PLEKHG4: variants seen among roughly 807,000 people sequenced by gnomAD.
PLEKHG4 encodes the protein pleckstrin homology and RhoGEF domain containing G4, also known as puratrophin-1.
In PLEKHG4, 85 loss-of-function variants were observed where a neutral mutation model predicts 136.9. That is an observed-to-expected ratio of 0.62 (90% CI 0.52 to 0.74). PLEKHG4 has a LOEUF of 0.74. Among genes scored for constraint, PLEKHG4 ranks in the 30% least tolerant of loss-of-function variants. PLEKHG4 has a pLI of 0.00. For synonymous variants in PLEKHG4, 577 were observed against 646.9 expected (o/e 0.89, Z 1.64); for missense variants, 1,317 against 1,527.8 (o/e 0.86, Z 2.30).
At chr16:67,288,086 A>G in intron 19 of PLEKHG4, 72 bp downstream of exon 19, 1 of 1,525,478 alleles carries the variant, frequency 6.6e-7, no homozygotes, top group Non-Finnish European at 9.1e-7. Context: ...GCCCTCCATT[A>G]GTGCTGGCCC....
intron 21 of PLEKHG4, 60 bp from the exon 22 acceptor site, chr16:67,288,743 A>C: frequency 5.0e-6 from 8 of 1,610,446 alleles, no homozygotes; most frequent in Non-Finnish European, 6.8e-6. Context: ...GCCATTCCCC[A>C]GACACCTCCT....
In PLEKHG4 at chr16:67,284,162, C is replaced by G; in HGVS notation, c.1510-113C>G. 1.1e-6 allele frequency: 1 copy of G among 871,866 alleles called. No homozygotes were observed. The allele number at this position is 871,866 out of a possible 1,614,324, so 54.0% of individuals were successfully genotyped here. A position where few individuals can be genotyped will look rare whatever the true frequency, so the allele number is the denominator to read the frequency against. On this transcript the variant is annotated intron_variant, in intron 11 of 21. Coordinates refer to ENST00000379344, the MANE Select transcript of PLEKHG4 (RefSeq NM_001129729.3). This position sits in a 1 kb window ranked among gnomAD's most constrained non-coding sequence, Gnocchi z 4.4. The stretch of plus-strand genomic sequence containing the variant: ...GGAGTAGGAGATACGGGTAGATGTT[C>G]CACCACAGGACAGACTTGATGGGGA...
intron 8 of PLEKHG4, 36 bp from the exon 9 acceptor site, chr16:67,282,165 A>G (rs374120044): frequency 3.1e-6 from 5 of 1,613,298 alleles, no homozygotes; most frequent in Middle Eastern, 1.7e-4. Context: ...CTTCTCTCCC[A>G]TGGCCACCTC....
chr16:67,287,826 C>G (rs555469400), intron 18 of PLEKHG4, 72 bp from the exon 19 acceptor site: 1 of 963,264 alleles, frequency 1.0e-6, no homozygotes, highest in Non-Finnish European at 1.7e-6. Flanking sequence ...AAAGACTTAT[C>G]TGGGGGGTGG....
chr16:67,280,261 C>T lies in PLEKHG4; in HGVS notation c.217C>T (p.Pro73Ser). ...CCCCTTGTCCAGGAAATTCCAGTTA[C>T]CCCCAGCTGCAGATGAGTCGGGGGA... is the stretch of plus-strand genomic sequence containing the variant. ...GSPLSRKFQLPPAADESGDAQ... is the reference protein window; with the variant it reads ...GSPLSRKFQLSPAADESGDAQ... Residue 73 changes from proline (P) to serine (S), a missense_variant, in exon 2 of 22, where the codon CCC becomes TCC. Physicochemically the swap from Pro to Ser is moderately conservative, Grantham distance 74 (BLOSUM62 -1). Transcript: ENST00000379344. The surrounding 1 kb of genome is among the most constrained non-coding windows in gnomAD (Gnocchi z 4.4). 6.2e-7 allele frequency: 1 copy of T among 1,613,824 alleles called. No homozygotes were observed. Among genetic ancestry groups the T allele is most frequent in the Non-Finnish European group, 8.5e-7 (1 of 1,179,970 alleles).
At chr16:67,286,720 T>C (rs2036487763) in intron 16 of PLEKHG4, 29 bp from the exon 17 acceptor site, 1 of 1,608,768 alleles carries the variant, frequency 6.2e-7, no homozygotes, top group Non-Finnish European at 8.5e-7. Flanking sequence ...CAGAAGAGGC[T>C]GGCCACCCAC....
At chr16:67,279,006 C>G (rs558413780), upstream of PLEKHG4, 10 of 152,414 alleles carry the variant, frequency 6.6e-5, no homozygotes, top group East Asian at 1.9e-3. Context: ...TGGGATCATG[C>G]GACCTGTCTC....
upstream of PLEKHG4, chr16:67,278,703 G>A (rs2036074161): frequency 6.6e-6 from 1 of 152,178 alleles, no homozygotes; most frequent in Non-Finnish European, 1.5e-5. Context: ...CAGTCCTCAC[G>A]GCAACCCCAG....
upstream of PLEKHG4, chr16:67,279,406 G>A (rs1267614044): frequency 6.6e-6 from 1 of 151,816 alleles, no homozygotes; most frequent in African/African-American, 2.4e-5. Context: ...GCGCCGGCAG[G>A]GCTGTGCCCC....
In PLEKHG4 at chr16:67,286,958, C is replaced by T. The variant is rs141774309; in HGVS notation, c.2925+39C>T. ...CCCCAGGCCCCACCACTTGTTTTCC[C>T]GCCCCATGCCTTACCAAGCCCCTCT... On this transcript the variant is annotated intron_variant, in intron 17 of 21. Transcript: ENST00000379344. 7,719 of 1,612,914 alleles carry T rather than the reference C, an allele frequency of 4.8e-3. 43 individuals are homozygous for T. Among genetic ancestry groups the T allele is most frequent in the South Asian group, 0.014 (1,259 of 91,068 alleles).
chr16:67,283,331 C>T (rs1240199320), intron 11 of PLEKHG4, among the ~76,000 whole-genome samples: 1 of 152,070 alleles, frequency 6.6e-6, no homozygotes, highest in Non-Finnish European at 1.5e-5. Flanking sequence ...GTGGGACAAG[C>T]CTGGTCAGTG....
rs754954657 is a variant in PLEKHG4, at chr16:67,286,828, G to A, written c.2834G>A (p.Arg945His). ...VRTGRHKSVRRIFLFEELLLF... is the reference protein window; with the variant it reads ...VRTGRHKSVRHIFLFEELLLF... The stretch of plus-strand genomic sequence containing the variant: ...ACTGGGCGCCACAAGTCCGTGCGCC[G>A]CATCTTCCTTTTTGAGGAGCTGCTG... The change falls in exon 17 of 22, where the codon CGC becomes CAC. Residue 945 changes from arginine (R) to histidine (H), a missense_variant. Arg to His is a conservative substitution (Grantham distance 29, BLOSUM62 0). Transcript: ENST00000379344. 9 of 1,613,854 alleles carry A rather than the reference G, an allele frequency of 5.6e-6. No homozygotes were observed. Among genetic ancestry groups the A allele is most frequent in the Admixed American group, 1.7e-5 (1 of 60,034 alleles).
Position 67,280,857 on chromosome 16 carries a change from G to C in PLEKHG4, c.596-25G>C, listed in dbSNP as rs1417223518. On this transcript the variant is annotated intron_variant, in intron 3 of 21. Transcript: ENST00000379344. This position sits in a 1 kb window ranked among gnomAD's most constrained non-coding sequence, Gnocchi z 4.4. ...GGAGGTGGAGTGGCCCAATACGGCA[G>C]GAGTTCACTGCTTCCTCCCCACAGG... 1 of 1,613,326 alleles carries C rather than the reference G, an allele frequency of 6.2e-7. No homozygotes were observed. The highest frequency in any genetic ancestry group is 1.7e-5 in the Admixed American group (1 of 60,024).
intron 18 of PLEKHG4, 128 bp downstream of exon 18, chr16:67,287,305 G>C: frequency 1.1e-6 from 1 of 950,344 alleles, no homozygotes; most frequent in Admixed American, 1.9e-5. Context: ...CACCAGTGCA[G>C]GAGAAAGGAT....
At position 67,286,538 on chromosome 16, in the gene PLEKHG4, G is replaced by C. The variant is rs185778107; in HGVS notation, c.2626G>C (p.Glu876Gln). ...RMGKYALLLQ[E>Q]LARACGGPTQ... ...GGGCAAGTACGCACTGCTGCTGCAG[G>C]AGCTGGCACGGGCCTGCGGGGGCCC... The change falls in exon 16 of 22, where the codon GAG (glutamate) becomes CAG (glutamine). Residue 876 changes from glutamate (E) to glutamine (Q), a missense_variant. Physicochemically the swap from Glu to Gln is conservative, Grantham distance 29. Coordinates refer to ENST00000379344, the MANE Select transcript of PLEKHG4 (RefSeq NM_001129729.3). 2.0e-5 allele frequency: 31 copies of C among 1,576,252 alleles called. No homozygotes were observed. The highest frequency in any genetic ancestry group is 1.3e-4 in the Admixed American group (7 of 53,946).
intron 11 of PLEKHG4, among the ~76,000 whole-genome samples, chr16:67,283,785 G>A (rs1400453741): frequency 6.6e-6 from 1 of 152,154 alleles, no homozygotes; most frequent in Non-Finnish European, 1.5e-5. Context: ...GGATCACTTG[G>A]TGGGTCCAGG....
Position 67,282,483 on chromosome 16 carries a change from G to A in PLEKHG4, c.1254-20G>A. 1.2e-6 allele frequency: 2 copies of A among 1,613,930 alleles called. No individual in the cohort carries two copies. The highest frequency in any genetic ancestry group is 1.7e-6 in the Non-Finnish European group (2 of 1,180,026). ...GAGTGGTGCAAGGCAGGGGGTCTAA[G>A]ATGGTATACCCTACACCAGGACGGC... On this transcript the variant is annotated intron_variant, in intron 9 of 21. Coordinates refer to ENST00000379344, the MANE Select transcript of PLEKHG4 (RefSeq NM_001129729.3).
Position 67,287,009 on chromosome 16 carries a change from C to T in PLEKHG4, c.2935C>T (p.Leu979Phe), listed in dbSNP as rs1360959537. Residue 979 changes from leucine to phenylalanine, a missense_variant, in exon 18 of 22, where the codon CTT becomes TTT. Coordinates refer to ENST00000379344, the MANE Select transcript of PLEKHG4 (RefSeq NM_001129729.3). The part of the protein sequence containing the change: ...AYKRSFKMAD[L>F]GLTECCGNSN... ...CTCCCGCTGGCCACAGATGGCAGAC[C>T]TTGGTCTCACTGAGTGCTGTGGGAA... 1 of 1,613,394 alleles carries T rather than the reference C, an allele frequency of 6.2e-7. No homozygotes were observed. The highest frequency in any genetic ancestry group is 8.5e-7 in the Non-Finnish European group (1 of 1,180,018).
rs971788171 is a variant in PLEKHG4, at chr16:67,279,546, C to G, written c.-250C>G. The G allele has an allele frequency of 6.6e-6, 1 of 152,040 alleles. No individual in the cohort carries two copies. The highest frequency in any genetic ancestry group is 2.4e-5 in the African/African-American group (1 of 41,428). The allele number at this position is 152,040 out of a possible 1,614,324, so 9.4% of individuals were successfully genotyped here. A position where few individuals can be genotyped will look rare whatever the true frequency, so the allele number is the denominator to read the frequency against. ...GGCGGTGTCCCGTGACGCCGCGCGG[C>G]CGCGCTGTAGTGGCCGTCGAGGCCG... On this transcript the variant is annotated 5_prime_UTR_variant, in exon 1 of 22. Coordinates refer to ENST00000379344, the MANE Select transcript of PLEKHG4 (RefSeq NM_001129729.3).
Sources: allele counts gnomAD v4.1 joint callset (sites outside exome capture counted in the v4.1 genomes callset), GRCh38; gene constraint gnomAD v4.1.1; non-coding constraint Gnocchi (gnomAD v3.1); transcripts MANE v1.5; gene names NCBI Gene and HGNC (gene_info 2026-07-23, HGNC 2026-07-21).